Variants in TRDN observed in about 807,000 individuals in gnomAD.
TRDN encodes triadin.
Under a neutral mutation model 149.7 loss-of-function variants are expected in TRDN, and 161 were observed. The observed-to-expected ratio is 1.08, with a 90% CI of 0.95 to 1.23. TRDN has a LOEUF of 1.23. Among genes scored for constraint, TRDN ranks in the 50% most tolerant of loss-of-function variants. The pLI, the probability that TRDN is intolerant of heterozygous loss-of-function variation, is 0.00. For synonymous variants in TRDN, 294 were observed against 250.5 expected (o/e 1.17, Z -1.64); for missense variants, 896 against 823.5 (o/e 1.09, Z -1.08).
At chr6:123,238,099 C>A in intron 38 of TRDN, among the ~76,000 whole-genome samples, 1 of 152,082 alleles carries the variant, frequency 6.6e-6, no homozygotes, top group African/African-American at 2.4e-5. Flanking sequence ...TAAGTAAAAA[C>A]TGAGAATGTT....
At chr6:123,452,526 T>C (rs1165180195) in intron 10 of TRDN, among the ~76,000 whole-genome samples, 1 of 151,254 alleles carries the variant, frequency 6.6e-6, no homozygotes, top group Admixed American at 6.6e-5. Flanking sequence ...GTAAGATAGT[T>C]AGGAATATGC....
chr6:123,358,167 T>C (rs1320282810), intron 20 of TRDN, among the ~76,000 whole-genome samples: 1 of 152,202 alleles, frequency 6.6e-6, no homozygotes, highest in Non-Finnish European at 1.5e-5. Context: ...TTTTTTCTAC[T>C]TTTGTAGAAG....
intron 24 of TRDN, among the ~76,000 whole-genome samples, chr6:123,284,245 A>T (rs2114637767): frequency 6.6e-6 from 1 of 151,414 alleles, no homozygotes; most frequent in African/African-American, 2.4e-5. Flanking sequence ...CTTGATTAAC[A>T]TAGATGCAAA....
chr6:123,221,204 G>A (rs536702359), intron 40 of TRDN, among the ~76,000 whole-genome samples: 1 of 151,850 alleles, frequency 6.6e-6, no homozygotes, highest in South Asian at 2.1e-4. Context: ...TTTAAGCATA[G>A]ATTCAGCCAG....
chr6:123,343,073 CAA>C (rs1780123702), intron 21 of TRDN, among the ~76,000 whole-genome samples: 1 of 151,952 alleles, frequency 6.6e-6, no homozygotes, highest in African/African-American at 2.4e-5. Flanking sequence ...CTTTGTGTGG[CAA>C]AAGTGTCAAG....
chr6:123,354,206 G>T (rs1286481033), intron 20 of TRDN, among the ~76,000 whole-genome samples: 1 of 151,922 alleles, frequency 6.6e-6, no homozygotes, highest in Non-Finnish European at 1.5e-5. Context: ...AAGAAGCAAT[G>T]AATGTTTTAG....
chr6:123,461,702 T>A (rs1003702878), intron 10 of TRDN, among the ~76,000 whole-genome samples: 3 of 152,246 alleles, frequency 2.0e-5, no homozygotes, highest in Non-Finnish European at 4.4e-5. Flanking sequence ...GAAGTTGTTC[T>A]GTTTAACCGC....
chr6:123,326,089 A>C (rs1779441629), intron 23 of TRDN, among the ~76,000 whole-genome samples: 1 of 152,128 alleles, frequency 6.6e-6, no homozygotes, highest in Admixed American at 6.6e-5. Context: ...GTTAAGAAGA[A>C]GGTTTAGGGT....
At chr6:123,417,794 T>C (rs1008661404) in intron 12 of TRDN, among the ~76,000 whole-genome samples, 12 of 152,174 alleles carry the variant, frequency 7.9e-5, no homozygotes, top group Non-Finnish European at 1.5e-4. Context: ...CGGTTTCTCA[T>C]ATCACAGTAT....
At chr6:123,601,352 T>G (rs141236953) in intron 1 of TRDN, among the ~76,000 whole-genome samples, 1 of 152,136 alleles carries the variant, frequency 6.6e-6, no homozygotes, top group East Asian at 1.9e-4. Context: ...AAACTCAGAG[T>G]GATATGTTGT....
chr6:123,560,125 G>A (rs529272904), intron 2 of TRDN, among the ~76,000 whole-genome samples: 11 of 152,238 alleles, frequency 7.2e-5, no homozygotes, highest in South Asian at 2.1e-4. Context: ...TGCGTGCGGC[G>A]GCTGCCGCTG....
chr6:123,234,028 T>C (rs983688170), intron 38 of TRDN, among the ~76,000 whole-genome samples: 9 of 152,030 alleles, frequency 5.9e-5, no homozygotes, highest in Non-Finnish European at 1.0e-4. Context: ...AATATTATTA[T>C]TCAAAATTTA....
At chr6:123,319,642 T>G (rs563100460) in intron 23 of TRDN, among the ~76,000 whole-genome samples, 1 of 152,240 alleles carries the variant, frequency 6.6e-6, no homozygotes, top group East Asian at 1.9e-4. Flanking sequence ...ACTGTTTAAT[T>G]GTTTTCTACC....
At chr6:123,446,584 C>CAAAAAAAAAA (rs572029827) in intron 10 of TRDN, among the ~76,000 whole-genome samples, 11 of 61,090 alleles carry the variant, frequency 1.8e-4, no homozygotes, top group African/African-American at 6.6e-4. Flanking sequence ...GATTCCATCT[C>CAAAAAAAAAA]AAAAAAAAAA....
chr6:123,498,720 CAAAACTGTA>C, intron 8 of TRDN: 1 of 419,506 alleles, frequency 2.4e-6, no homozygotes, highest in South Asian at 1.8e-5. Context: ...TTTTCCTGAA[CAAAACTGTA>C]GAACTGGCAA....
intron 1 of TRDN, among the ~76,000 whole-genome samples, chr6:123,616,984 G>T (rs1583329598): frequency 1.3e-5 from 2 of 152,094 alleles, no homozygotes; most frequent in African/African-American, 4.8e-5. Flanking sequence ...AAATATAAAA[G>T]AAAGACATAT....
intron 10 of TRDN, among the ~76,000 whole-genome samples, chr6:123,441,531 C>G (rs1774888960): frequency 6.6e-6 from 1 of 152,150 alleles, no homozygotes; most frequent in South Asian, 2.1e-4. Context: ...GCAGGGATCA[C>G]AGAAGAGTGT....
chr6:123,460,884 G>C (rs192667477), intron 10 of TRDN, among the ~76,000 whole-genome samples: 1 of 152,180 alleles, frequency 6.6e-6, no homozygotes, highest in Admixed American at 6.5e-5. Context: ...GGTTTCACTT[G>C]ATAACCTTGC....
chr6:123,636,335 GTTTAAGTAAGCATTAGTGTAATAT>G (rs898566660), intron 1 of TRDN, among the ~76,000 whole-genome samples: 36 of 151,920 alleles, frequency 2.4e-4, no homozygotes, highest in Non-Finnish European at 4.1e-4. Flanking sequence ...TACTTTTTAA[GTTTAAGTAAGCATTAGTGTAATAT>G]TTTAAGTAAG....
Sources: gnomAD v4.1 joint callset for allele counts (sites outside exome capture counted in the v4.1 genomes callset) on GRCh38, gnomAD v4.1.1 for gene constraint, MANE v1.5 for transcripts, NCBI Gene and HGNC (gene_info 2026-07-23, HGNC 2026-07-21) for gene names.